The following PAPLN variants were observed in gnomAD, a reference collection of about 807,000 sequenced individuals.
The protein encoded by PAPLN is papilin.
Under a neutral mutation model 159.0 loss-of-function variants are expected in PAPLN, and 146 were observed. The observed-to-expected ratio is 0.92, with a 90% confidence interval of 0.80 to 1.05. The LOEUF is 1.05. Ranked by LOEUF, PAPLN falls within the 50% of genes least tolerant of loss-of-function variation. PAPLN has a pLI of 0.00. For synonymous variants in PAPLN, 734 were observed against 702.9 expected, an observed-to-expected ratio of 1.04 and a Z score of -0.70; for missense variants, 1,720 against 1,743.9, an observed-to-expected ratio of 0.99 and a Z score of 0.24.
chr14:73,253,288 G>T, intron 11 of PAPLN: 2 of 1,322,168 alleles, frequency 1.5e-6, no homozygotes, highest in Non-Finnish European at 2.0e-6. Context: ...CTTGGCCTTG[G>T]TGGCAGCGGG....
At chr14:73,268,495 C>T in intron 25 of PAPLN, 62 bp from the exon 26 acceptor site, 1 of 1,522,288 alleles carries the variant, frequency 6.6e-7, no homozygotes, top group Middle Eastern at 1.8e-4. Context: ...ATTACCTCTT[C>T]CCTCTGTCTC....
intron 16 of PAPLN, among the ~76,000 whole-genome samples, chr14:73,260,201 A>G (rs1320703524): frequency 6.6e-6 from 1 of 152,118 alleles, no homozygotes; most frequent in Non-Finnish European, 1.5e-5. Flanking sequence ...GACAATCGTG[A>G]TGGGGTTCCT....
At chr14:73,257,415 G>GT (rs989618811) in intron 14 of PAPLN, among the ~76,000 whole-genome samples, 17 of 151,012 alleles carry the variant, frequency 1.1e-4, no homozygotes, top group African/African-American at 3.9e-4. Context: ...ATTTCAGGGG[G>GT]GGTCCTACAG....
chr14:73,240,638 G>C (rs1883441905), intron 2 of PAPLN, among the ~76,000 whole-genome samples: 1 of 152,148 alleles, frequency 6.6e-6, no homozygotes. Context: ...CATGCGGCTA[G>C]TGGCTACTGT....
Position 73,259,375 on chromosome 14 carries a change from C to T in PAPLN, c.1815C>T (p.Ala605=), listed in dbSNP as rs1271119279. 2 of 1,612,462 alleles carry T rather than the reference C, an allele frequency of 1.2e-6. No homozygotes were observed. The highest frequency in any genetic ancestry group is 1.7e-6 in the Non-Finnish European group (2 of 1,179,380). Residue 605 remains alanine, a synonymous_variant, in exon 16 of 27, where the codon GCC becomes GCT. Coordinates refer to ENST00000644200, the MANE Select transcript of PAPLN (RefSeq NM_001365906.3). ...PRGDQGTHLS[A]LGPAPSLQQP... ...GCGACCAAGGCACCCACCTGTCAGC[C>T]CTGGGCCCCGCTCCCTCTCTGCAGC...
intron 11 of PAPLN, 132 bp downstream of exon 11, chr14:73,252,907 G>T: frequency 6.9e-7 from 1 of 1,441,782 alleles, no homozygotes; most frequent in Non-Finnish European, 9.3e-7. Context: ...TGTGGCTGGG[G>T]TGTGGGAGAG....
At chr14:73,246,204 G>T in intron 5 of PAPLN, 29 bp downstream of exon 5, 1 of 1,543,282 alleles carries the variant, frequency 6.5e-7, no homozygotes, top group Non-Finnish European at 8.7e-7. Flanking sequence ...CGCTCTCTCG[G>T]GGCCTCTTGT....
rs1173566270 is a variant in PAPLN, at chr14:73,252,098, G to C, written c.924G>C (p.Trp308Cys). 6.2e-7 allele frequency: 1 copy of C among 1,610,690 alleles called. No individual in the cohort carries two copies. Among genetic ancestry groups the C allele is most frequent in the South Asian group, 1.1e-5 (1 of 90,442 alleles). Reference protein sequence around the residue: ...PLRRPSPGFSWSHGSWSDCSA... With the variant: ...PLRRPSPGFSCSHGSWSDCSA... ...GCCGCCCCAGCCCCGGCTTCAGCTG[G>C]AGCCACGGCTCATGGAGTGACTGCA... The change falls in exon 10 of 27, where the codon TGG (tryptophan) becomes TGC (cysteine). Residue 308 changes from tryptophan to cysteine, a missense_variant. Coordinates refer to ENST00000644200, the MANE Select transcript of PAPLN (RefSeq NM_001365906.3).
At position 73,263,792 on chromosome 14, in the gene PAPLN, A is replaced by G. The variant is rs772796376; in HGVS notation, c.2861+10A>G. 1.9e-6 allele frequency: 3 copies of G among 1,597,686 alleles called. No individual in the cohort carries two copies. In the South Asian group the frequency reaches 3.3e-5, roughly 18 times the overall value. On this transcript the variant is annotated intron_variant, in intron 20 of 26. Transcript: ENST00000644200. ...CCATCTCCTCTGACAGGTGGGTGAGAGTCCCCCCACCTCCTCTGACAGGTG... is the reference window on the plus strand; with the variant it reads ...CCATCTCCTCTGACAGGTGGGTGAGGGTCCCCCCACCTCCTCTGACAGGTG...
In PAPLN at chr14:73,268,643, A is replaced by T; in HGVS notation, c.3587A>T (p.Asp1196Val). 6.2e-7 allele frequency: 1 copy of T among 1,614,014 alleles called. No individual in the cohort carries two copies. The highest frequency in any genetic ancestry group is 1.1e-5 in the South Asian group (1 of 91,070). The change falls in exon 26 of 27, where the codon GAT becomes GTT. Residue 1196 changes from aspartate to valine, a missense_variant. Asp to Val is a radical substitution (Grantham distance 152). Coordinates refer to ENST00000644200, the MANE Select transcript of PAPLN (RefSeq NM_001365906.3). Reference protein sequence around the residue: ...TLLIYNLRARDEGSYTCSAYQ... With the variant: ...TLLIYNLRARVEGSYTCSAYQ... The stretch of plus-strand genomic sequence containing the variant: ...CTCATTTACAACTTGCGGGCCAGGG[A>T]TGAGGGCTCCTACACGTGCAGTGCC...
At position 73,264,695 on chromosome 14, in the gene PAPLN, A is replaced by G. The variant is rs1248204794; in HGVS notation, c.3094A>G (p.Ile1032Val). 3 of 1,612,414 alleles carry G rather than the reference A, an allele frequency of 1.9e-6. No homozygotes were observed. The Admixed American group carries it at 5.0e-5, about 27-fold the overall frequency. ...GGGGGCTGCTGGGCCCCTGGGGGCC[A>G]TCCCCTCTTCACACCCACAGCCTGC... ...QAGAAGPLGAIPSSHPQPANR... is the reference protein window; with the variant it reads ...QAGAAGPLGAVPSSHPQPANR... Residue 1032 changes from isoleucine to valine, a missense_variant, in exon 22 of 27, where the codon ATC (isoleucine) becomes GTC (valine). Ile to Val is a conservative substitution (Grantham distance 29, BLOSUM62 3). Transcript: ENST00000644200.
In PAPLN at chr14:73,262,806, C is replaced by A; in HGVS notation, c.2702C>A (p.Pro901His). Residue 901 changes from proline (P) to histidine (H), a missense_variant, in exon 19 of 27, where the codon CCC becomes CAC. By Grantham distance (77) the Pro-to-His change is moderately conservative. Coordinates refer to ENST00000644200, the MANE Select transcript of PAPLN (RefSeq NM_001365906.3). ...LGGDAGSPAP[P>H]FHSSSYRISL... ...GGAGATGCCGGATCACCAGCGCCAC[C>A]CTTCCACAGCTCCTCCTACAGGTGA... 1.3e-6 allele frequency: 2 copies of A among 1,492,696 alleles called. No homozygotes were observed. Among genetic ancestry groups the A allele is most frequent in the Non-Finnish European group, 1.8e-6 (2 of 1,125,796 alleles). 92.5% of individuals were successfully genotyped at this position (1,492,696 alleles called of 1,614,324 possible).
intron 5 of PAPLN, among the ~76,000 whole-genome samples, chr14:73,247,427 T>G (rs1884527171): frequency 6.6e-6 from 1 of 152,200 alleles, no homozygotes; most frequent in African/African-American, 2.4e-5. Flanking sequence ...GCACTCTAGA[T>G]TCCAGATCAA....
Position 73,258,977 on chromosome 14 carries a change from A to G in PAPLN, c.1628-2A>G. The G allele has an allele frequency of 2.5e-6, 4 of 1,609,060 alleles. No homozygotes were observed. Among genetic ancestry groups the G allele is most frequent in the Non-Finnish European group, 3.4e-6 (4 of 1,177,570 alleles). On this transcript the variant is annotated splice_acceptor_variant, in intron 14 of 26. Coordinates refer to ENST00000644200, the MANE Select transcript of PAPLN (RefSeq NM_001365906.3). LOFTEE classifies it high-confidence loss of function. ...CCACATGGACCTCCCGGCTCCCTGC[A>G]GAGGTCCCCAGCATGCAGGATGTGC...
intron 5 of PAPLN, among the ~76,000 whole-genome samples, chr14:73,247,188 A>G (rs560106483): frequency 6.6e-6 from 1 of 152,232 alleles, no homozygotes; most frequent in South Asian, 2.1e-4. Flanking sequence ...TTGGTACACC[A>G]AGACTTCATT....
At chr14:73,253,551 G>A (rs539301118) in intron 11 of PAPLN, among the ~76,000 whole-genome samples, 1 of 152,346 alleles carries the variant, frequency 6.6e-6, no homozygotes, top group South Asian at 2.1e-4. Flanking sequence ...GCCCCGAGTT[G>A]TGGGGAGCGC....
At chr14:73,247,889 CGTGTGTGTGTGT>C (rs71112721) in intron 5 of PAPLN, among the ~76,000 whole-genome samples, 6,394 of 19,684 alleles carry the variant, frequency 0.32, 924 homozygotes, top group East Asian at 0.7. Flanking sequence ...TCATATCCTC[CGTGTGTGTGTGT>C]GTGTGTGTGT....
chr14:73,264,249 C>G lies in PAPLN; in HGVS notation c.2900C>G (p.Pro967Arg). Residue 967 changes from proline to arginine, a missense_variant, in exon 21 of 27, where the codon CCC (proline) becomes CGC (arginine). Transcript: ENST00000644200. ...TTCGACGGATCCCTGATCATCCACC[C>G]CCTGCAGGCAGAGGACGCGGGCACC... is the stretch of plus-strand genomic sequence containing the variant. ...LQFDGSLIIH[P>R]LQAEDAGTYS... 6.2e-7 allele frequency: 1 copy of G among 1,614,018 alleles called. No homozygotes were observed. The highest frequency in any genetic ancestry group is 8.5e-7 in the Non-Finnish European group (1 of 1,180,010).
At position 73,265,322 on chromosome 14, in the gene PAPLN, G is replaced by A. The variant is rs765673842; in HGVS notation, c.3126-48G>A. ...TGCAGAGGTGCCCATGGGAGTAGGC[G>A]GGGGCAACGGCAAGGGCCCCTCATG... On this transcript the variant is annotated intron_variant, in intron 22 of 26. Transcript: ENST00000644200. This position sits in a 1 kb window ranked among gnomAD's most constrained non-coding sequence, Gnocchi z 4.1. The A allele has an allele frequency of 3.9e-5, 62 of 1,588,548 alleles. No homozygotes were observed. The highest frequency in any genetic ancestry group is 3.8e-4 in the Middle Eastern group (2 of 5,330).
Sources: gnomAD v4.1 joint callset for allele counts (sites outside exome capture counted in the v4.1 genomes callset) on GRCh38, gnomAD v4.1.1 for gene constraint, Gnocchi (gnomAD v3.1) non-coding constraint, MANE v1.5 for transcripts, NCBI Gene and HGNC (gene_info 2026-07-23, HGNC 2026-07-21) for gene names.